SIM2: variants seen among roughly 807,000 people sequenced by gnomAD.
SIM2 encodes the protein single-minded homolog 2.
In SIM2, 28 loss-of-function variants were observed where a neutral mutation model predicts 64.8. The ratio of observed to expected loss-of-function variants is 0.43; its 90% confidence interval spans 0.32 to 0.59. The LOEUF is 0.59. Ranked by LOEUF, SIM2 falls within the 20% of genes least tolerant of loss-of-function variation. The pLI, the probability that SIM2 is intolerant of heterozygous loss-of-function variation, is 0.07. For synonymous variants in SIM2, 408 were observed against 391.1 expected, an observed-to-expected ratio of 1.04 and a Z score of -0.51; for missense variants, 847 against 871.4, an observed-to-expected ratio of 0.97 and a Z score of 0.35.
chr21:36,709,984 A>C, intron 2 of SIM2: 1 of 159,202 alleles, frequency 6.3e-6, no homozygotes, highest in Non-Finnish European at 1.4e-5. Context: ...ACCCGCCATC[A>C]TGCCTGGCTA....
intron 1 of SIM2, chr21:36,701,386 G>A (rs2088493699): frequency 6.6e-6 from 1 of 152,340 alleles, no homozygotes; most frequent in Non-Finnish European, 1.5e-5. Context: ...GTCTGGAGCT[G>A]CGCTTCTCGG....
chr21:36,715,209 C>T (rs768187210), intron 3 of SIM2, among the ~76,000 whole-genome samples: 1 of 152,142 alleles, frequency 6.6e-6, no homozygotes, highest in South Asian at 2.1e-4. Context: ...AAATAAGCAA[C>T]AACTTTTCTC....
Position 36,712,470 on chromosome 21 carries a change from A to G in SIM2, c.259-63A>G, listed in dbSNP as rs1159276738. 4 of 1,100,206 alleles carry G rather than the reference A, an allele frequency of 3.6e-6. No individual in the cohort carries two copies. In the Admixed American group the frequency reaches 5.3e-5, roughly 14 times the overall value. The allele number at this position is 1,100,206 out of a possible 1,614,324, so 68.2% of individuals were successfully genotyped here. On this transcript the variant is annotated intron_variant, in intron 2 of 10. Transcript: ENST00000290399. ...ATCCCTCCATCCCAGTGACTGTACC[A>G]TTGTTAGATTTAACTCTAATGTAGA...
intron 1 of SIM2, among the ~76,000 whole-genome samples, chr21:36,705,694 C>T (rs1406743007): frequency 1.3e-5 from 2 of 152,208 alleles, no homozygotes; most frequent in Admixed American, 1.3e-4. Context: ...GACCCCTGCA[C>T]CCAGGTGGGG....
At chr21:36,716,445 A>G (rs2088747896) in intron 3 of SIM2, among the ~76,000 whole-genome samples, 1 of 152,374 alleles carries the variant, frequency 6.6e-6, no homozygotes, top group East Asian at 1.9e-4. Context: ...AACCATAAAC[A>G]TATCGATGAT....
In SIM2 at chr21:36,747,641, C is replaced by G. The variant is rs2089247102; in HGVS notation, c.1577-24C>G. 1.6e-6 allele frequency: 2 copies of G among 1,229,958 alleles called. No individual in the cohort carries two copies. Among genetic ancestry groups the G allele is most frequent in the East Asian group, 6.8e-5 (2 of 29,328 alleles). The allele number at this position is 1,229,958 out of a possible 1,614,324, so 76.2% of individuals were successfully genotyped here. ...CTGCGGCCGCGCCCCTTGCTGCCCT[C>G]TAACGTGTCGCCTGTCCCCGCAGCG... On this transcript the variant is annotated intron_variant, in intron 10 of 10. Coordinates refer to ENST00000290399, the MANE Select transcript of SIM2 (RefSeq NM_005069.6). This position sits in a 1 kb window ranked among gnomAD's most constrained non-coding sequence, Gnocchi z 4.5.
chr21:36,712,967 C>T (rs1381760746), intron 3 of SIM2, among the ~76,000 whole-genome samples: 1 of 152,226 alleles, frequency 6.6e-6, no homozygotes, highest in Non-Finnish European at 1.5e-5. Context: ...TCAGTCCACA[C>T]TTGCTGGTCT....
intron 2 of SIM2, among the ~76,000 whole-genome samples, chr21:36,712,298 T>C (rs1046763824): frequency 4.6e-5 from 7 of 152,326 alleles, no homozygotes; most frequent in South Asian, 2.1e-4. Flanking sequence ...GTGATGTGGA[T>C]GTATGATTGT....
At chr21:36,701,508 G>A (rs1435205543) in intron 1 of SIM2, 1 of 131,508 alleles carries the variant, frequency 7.6e-6, no homozygotes, top group Non-Finnish European at 1.8e-5. Flanking sequence ...GGCAGCGGAG[G>A]GGGCTGGAAG....
Position 36,747,875 on chromosome 21 carries a change from C to A in SIM2, c.1787C>A (p.Pro596His). 9.4e-7 allele frequency: 1 copy of A among 1,066,908 alleles called. No homozygotes were observed. The highest frequency in any genetic ancestry group is 2.5e-5 in the South Asian group (1 of 40,474). The allele number at this position is 1,066,908 out of a possible 1,614,324, so 66.1% of individuals were successfully genotyped here. Residue 596 changes from proline to histidine, a missense_variant, in exon 11 of 11, where the codon CCC (proline) becomes CAC (histidine). Pro to His is a moderately conservative substitution (Grantham distance 77). Around this residue, in one of 3 missense-constraint regions of SIM2, gnomAD observed 447 missense variants for 414.6 expected, o/e 1.08. Coordinates refer to ENST00000290399, the MANE Select transcript of SIM2 (RefSeq NM_005069.6). This position sits in a 1 kb window ranked among gnomAD's most constrained non-coding sequence, Gnocchi z 4.5. ...PEAPGAPAQLPFVLLNYHRVL... is the reference protein window; with the variant it reads ...PEAPGAPAQLHFVLLNYHRVL... Reference sequence around the variant, plus strand: ...GCCCCGGGCGCGCCGGCGCAGCTGCCCTTCGTGCTGCTCAACTACCACCGC... The same window carrying A: ...GCCCCGGGCGCGCCGGCGCAGCTGCACTTCGTGCTGCTCAACTACCACCGC...
intron 9 of SIM2, among the ~76,000 whole-genome samples, chr21:36,744,428 G>T (rs1274223668): frequency 1.3e-5 from 2 of 148,462 alleles, no homozygotes; most frequent in Non-Finnish European, 3.0e-5. Context: ...AATAAAGAAA[G>T]AAAGAAAAAC....
At chr21:36,707,478 G>A (rs1052944355) in intron 1 of SIM2, among the ~76,000 whole-genome samples, 1 of 152,184 alleles carries the variant, frequency 6.6e-6, no homozygotes, top group Non-Finnish European at 1.5e-5. Flanking sequence ...GTATTCCCGG[G>A]ATCGTGTATG....
In SIM2 at chr21:36,712,490, T is replaced by C. The variant is rs375054472; in HGVS notation, c.259-43T>C. The C allele has an allele frequency of 5.3e-5, 70 of 1,318,572 alleles. 1 individual carries two copies. In the Middle Eastern group the frequency reaches 7.2e-4, roughly 14 times the overall value. The allele number at this position is 1,318,572 out of a possible 1,614,324, so 81.7% of individuals were successfully genotyped here. On this transcript the variant is annotated intron_variant, in intron 2 of 10. Coordinates refer to ENST00000290399, the MANE Select transcript of SIM2 (RefSeq NM_005069.6). ...GTACCATTGTTAGATTTAACTCTAA[T>C]GTAGAATGATCATCTCTTATTCTGA... is the stretch of plus-strand genomic sequence containing the variant.
At chr21:36,718,755 G>T (rs1309191177) in intron 3 of SIM2, among the ~76,000 whole-genome samples, 1 of 152,126 alleles carries the variant, frequency 6.6e-6, no homozygotes, top group Non-Finnish European at 1.5e-5. Context: ...ATTGATTATA[G>T]CTCTAAAAAT....
chr21:36,748,052 A>T lies in SIM2; in HGVS notation c.1964A>T (p.His655Leu). ...ATSPPGAPLP[H>L]YLGASVIITN... is the part of the protein sequence containing the mutation. ...TCCCCGCCCGGCGCGCCCCTGCCGC[A>T]CTACCTGGGCGCCTCGGTCATCATC... Residue 655 changes from histidine to leucine, a missense_variant, in exon 11 of 11, where the codon CAC becomes CTC. This residue lies in a region of SIM2 where 447 missense variants were observed against 414.6 expected (regional missense o/e 1.08). Coordinates refer to ENST00000290399, the MANE Select transcript of SIM2 (RefSeq NM_005069.6). The T allele has an allele frequency of 8.3e-7, 1 of 1,200,990 alleles. No individual in the cohort carries two copies. The highest frequency in any genetic ancestry group is 1.0e-6 in the Non-Finnish European group (1 of 968,534). 74.4% of individuals were successfully genotyped at this position (1,200,990 alleles called of 1,614,324 possible).
intron 7 of SIM2, among the ~76,000 whole-genome samples, chr21:36,733,683 C>T (rs1007425714): frequency 6.6e-6 from 1 of 151,986 alleles, no homozygotes; most frequent in Non-Finnish European, 1.5e-5. Flanking sequence ...CCTCAGCCTC[C>T]CAAGTAGCTG....
intron 5 of SIM2, among the ~76,000 whole-genome samples, chr21:36,725,469 C>T (rs2088877836): frequency 6.6e-6 from 1 of 152,198 alleles, no homozygotes; most frequent in African/African-American, 2.4e-5. Context: ...CACTGTGGAA[C>T]AAATGGTTGG....
chr21:36,720,674 A>T (rs1359450116), intron 4 of SIM2: 5 of 152,248 alleles, frequency 3.3e-5, no homozygotes, highest in Non-Finnish European at 2.9e-5. Flanking sequence ...GTATTTAAAA[A>T]TGTTACTCCA....
intron 1 of SIM2, among the ~76,000 whole-genome samples, chr21:36,703,460 C>T (rs555353422): frequency 6.6e-6 from 1 of 152,282 alleles, no homozygotes; most frequent in Admixed American, 6.5e-5. Flanking sequence ...GTTCCTATGC[C>T]ATTCACCCCT....
Sources: allele counts gnomAD v4.1 joint callset (sites outside exome capture counted in the v4.1 genomes callset), GRCh38; gene constraint gnomAD v4.1.1; regional missense constraint gnomAD v4.1.1; non-coding constraint Gnocchi (gnomAD v3.1); transcripts MANE v1.5; gene names NCBI Gene and HGNC (gene_info 2026-07-23, HGNC 2026-07-21).